The following IMMP1L variants were observed in gnomAD, a reference collection of about 807,000 sequenced individuals.
IMMP1L encodes the protein inner mitochondrial membrane peptidase subunit 1.
In IMMP1L, 24 loss-of-function variants were observed where a neutral mutation model predicts 21.8. The ratio of observed to expected loss-of-function variants is 1.10; its 90% CI spans 0.80 to 1.55. The LOEUF (loss-of-function observed/expected upper bound fraction) is 1.55, where lower values mean the gene tolerates loss of function less well. Among genes scored for constraint, IMMP1L ranks in the 40% most tolerant of loss-of-function variants. The pLI is 0.00. For synonymous variants in IMMP1L, 46 were observed against 62.8 expected (o/e 0.73, Z 1.26); for missense variants, 195 against 200.7 (o/e 0.97, Z 0.17).
At chr11:31,467,877 C>G (rs1322220392) in intron 1 of IMMP1L, among the ~76,000 whole-genome samples, 1 of 150,896 alleles carries the variant, frequency 6.6e-6, no homozygotes, top group African/African-American at 2.4e-5. Flanking sequence ...TAGCAGCATA[C>G]TGATATCATG....
chr11:31,481,163 A>G (rs1379582394), intron 1 of IMMP1L, among the ~76,000 whole-genome samples: 1 of 152,120 alleles, frequency 6.6e-6, no homozygotes, highest in African/African-American at 2.4e-5. Flanking sequence ...TGTTCAGCAG[A>G]TGACAGCCAA....
chr11:31,451,249 C>T (rs1489108772), intron 4 of IMMP1L, among the ~76,000 whole-genome samples: 1 of 152,006 alleles, frequency 6.6e-6, no homozygotes, highest in African/African-American at 2.4e-5. Flanking sequence ...CATAATTGCT[C>T]TTAAAAAGCA....
intron 1 of IMMP1L, among the ~76,000 whole-genome samples, chr11:31,478,838 T>C (rs186151878): frequency 3.7e-4 from 57 of 152,242 alleles, no homozygotes; most frequent in Non-Finnish European, 5.4e-4. Context: ...TTTAAAATAT[T>C]TGAATCAAGT....
At chr11:31,479,442 T>C (rs904817645) in intron 1 of IMMP1L, among the ~76,000 whole-genome samples, 18 of 152,074 alleles carry the variant, frequency 1.2e-4, no homozygotes, top group Non-Finnish European at 7.4e-5. Flanking sequence ...CACATGAATA[T>C]TCTTTGGTTA....
intron 4 of IMMP1L, among the ~76,000 whole-genome samples, chr11:31,443,658 C>T (rs1953414576): frequency 6.6e-6 from 1 of 152,154 alleles, no homozygotes; most frequent in African/African-American, 2.4e-5. Flanking sequence ...AGTTAATACA[C>T]TGACTATTTT....
At chr11:31,496,200 T>C (rs1000047292) in intron 1 of IMMP1L, among the ~76,000 whole-genome samples, 2 of 149,614 alleles carry the variant, frequency 1.3e-5, no homozygotes, top group Non-Finnish European at 3.0e-5. Flanking sequence ...GGTATACAAA[T>C]GGCCAATAAG....
chr11:31,471,933 C>T (rs1389759723), intron 1 of IMMP1L, among the ~76,000 whole-genome samples: 1 of 152,108 alleles, frequency 6.6e-6, no homozygotes, highest in Non-Finnish European at 1.5e-5. Flanking sequence ...GGGGAGAATC[C>T]ATTTCCTTGC....
chr11:31,462,434 A>C (rs1011229678), intron 2 of IMMP1L, among the ~76,000 whole-genome samples: 1 of 151,966 alleles, frequency 6.6e-6, no homozygotes, highest in Non-Finnish European at 1.5e-5. Context: ...AAAAAAAAAA[A>C]CAGTAATAAC....
At chr11:31,453,136 T>C (rs1953814946) in intron 4 of IMMP1L, 2 of 1,284,104 alleles carry the variant, frequency 1.6e-6, no homozygotes, top group Non-Finnish European at 2.0e-6. Context: ...TTGCTTGCCA[T>C]GTGGTCTTTT....
intron 1 of IMMP1L, among the ~76,000 whole-genome samples, chr11:31,471,187 T>G (rs1333294595): frequency 1.3e-5 from 2 of 152,236 alleles, no homozygotes; most frequent in Non-Finnish European, 2.9e-5. Flanking sequence ...TTGATCATTA[T>G]ACACTGTACA....
chr11:31,457,822 A>T (rs1289586650), intron 3 of IMMP1L, among the ~76,000 whole-genome samples: 1 of 152,214 alleles, frequency 6.6e-6, no homozygotes, highest in Non-Finnish European at 1.5e-5. Flanking sequence ...ATTTACAATG[A>T]TGATCTCTTG....
rs148104702 is a variant in IMMP1L at position 31,463,179 on chromosome 11, A to C, written c.98T>G (p.Val33Gly). The C allele has an allele frequency of 1.1e-5, 18 of 1,600,386 alleles. No individual in the cohort carries two copies. The highest frequency in any genetic ancestry group is 8.1e-5 in the African/African-American group (6 of 74,142). Residue 33 changes from valine to glycine, a missense_variant, in exon 2 of 6, where the codon GTT becomes GGT. Val to Gly is a moderately radical substitution (Grantham distance 109). Coordinates refer to ENST00000532287, the MANE Select transcript of IMMP1L (RefSeq NM_001304274.2). ...AHCAFEYVGG[V>G]VMCSGPSMEP... is the part of the protein sequence containing the mutation. The stretch of plus-strand genomic sequence containing the variant: ...TTGAACATAAAAACTTACCATGACA[A>C]CACCACCAACGTATTCAAAAGCACA...
intron 1 of IMMP1L, among the ~76,000 whole-genome samples, chr11:31,503,070 A>AATTT (rs1424728648): frequency 6.6e-6 from 1 of 152,168 alleles, no homozygotes; most frequent in Non-Finnish European, 1.5e-5. Flanking sequence ...AATTATAATG[A>AATTT]ATATAAGTAC....
rs1387443108 is a variant in IMMP1L at position 31,494,758 on chromosome 11, G to GT, written c.-30+14760_-30+14761insA. On this transcript the variant is annotated intron_variant, in intron 1 of 5. Coordinates refer to ENST00000532287, the MANE Select transcript of IMMP1L (RefSeq NM_001304274.2). Reference sequence around the variant, plus strand: ...CCGGATTTACTTACGCCATTCTCCTGCCTAAGCCTCCCAAGTAGCTGGGAC... The same window carrying GT: ...CCGGATTTACTTACGCCATTCTCCTGTCCTAAGCCTCCCAAGTAGCTGGGAC... Among the ~76,000 whole-genome samples, 7 of 151,880 alleles carry GT rather than the reference G, an allele frequency of 4.6e-5. No homozygotes were observed. In the South Asian group the frequency reaches 1.5e-3, roughly 32 times the overall value.
chr11:31,442,412 A>G (rs1364871542), intron 4 of IMMP1L, among the ~76,000 whole-genome samples: 1 of 152,216 alleles, frequency 6.6e-6, no homozygotes, highest in African/African-American at 2.4e-5. Flanking sequence ...ACAGTCCACA[A>G]TATCAAATAA....
chr11:31,440,607 T>C (rs1953291040), intron 4 of IMMP1L, among the ~76,000 whole-genome samples: 1 of 152,154 alleles, frequency 6.6e-6, no homozygotes, highest in Admixed American at 6.5e-5. Context: ...GCCAGGCTGA[T>C]CTCAAACTCC....
Sources: gnomAD v4.1 joint callset for allele counts (sites outside exome capture counted in the v4.1 genomes callset) on GRCh38, gnomAD v4.1.1 for gene constraint, MANE v1.5 for transcripts, NCBI Gene and HGNC (gene_info 2026-07-23, HGNC 2026-07-21) for gene names.